Variants in RORB observed in about 807,000 individuals in gnomAD.
RORB encodes the protein RAR related orphan receptor B.
Under a neutral mutation model 59.1 loss-of-function variants are expected in RORB, and 6 were observed. The ratio of observed to expected loss-of-function variants is 0.10; its 90% CI spans 0.06 to 0.20. RORB has a LOEUF of 0.20. Ranked by LOEUF, RORB falls within the 10% of genes least tolerant of loss-of-function variation. The pLI, the probability that RORB is intolerant of heterozygous loss-of-function variation, is 1.00. For missense variants in RORB, 320 were observed against 560.5 expected (o/e 0.57, Z 4.33); for synonymous variants, 215 against 204.5 (o/e 1.05, Z -0.44).
intron 9 of RORB, among the ~76,000 whole-genome samples, chr9:74,683,021 T>C (rs1318325224): frequency 6.6e-6 from 1 of 152,136 alleles, no homozygotes; most frequent in African/African-American, 2.4e-5. Flanking sequence ...AAACATGGAG[T>C]CTGAGCTTCA....
chr9:74,567,825 G>T (rs891332858), intron 1 of RORB, among the ~76,000 whole-genome samples: 4 of 152,156 alleles, frequency 2.6e-5, no homozygotes, highest in Non-Finnish European at 1.5e-5. Flanking sequence ...GGCATTGCAT[G>T]TATGTGTGCT....
chr9:74,577,510 A>G (rs1280408304), intron 1 of RORB, among the ~76,000 whole-genome samples: 1 of 152,114 alleles, frequency 6.6e-6, no homozygotes, highest in African/African-American at 2.4e-5. Flanking sequence ...AATAGTGTGT[A>G]TATTTCTATT....
intron 1 of RORB, among the ~76,000 whole-genome samples, chr9:74,605,485 C>T (rs1210743319): frequency 6.6e-6 from 1 of 152,120 alleles, no homozygotes; most frequent in Non-Finnish European, 1.5e-5. Flanking sequence ...ATGGTAGCCA[C>T]CAAATTGCTC....
chr9:74,571,639 G>T (rs376859313), intron 1 of RORB, among the ~76,000 whole-genome samples: 1 of 151,636 alleles, frequency 6.6e-6, no homozygotes, highest in African/African-American at 2.4e-5. Context: ...TATTTTTTTC[G>T]TAATAGTAAA....
intron 4 of RORB, among the ~76,000 whole-genome samples, chr9:74,648,238 C>T (rs973634551): frequency 6.6e-6 from 1 of 152,210 alleles, no homozygotes; most frequent in Non-Finnish European, 1.5e-5. Context: ...TCTAACCCCT[C>T]TCTCACCCCC....
chr9:74,648,250 C>A (rs1823932013), intron 4 of RORB, among the ~76,000 whole-genome samples: 1 of 152,188 alleles, frequency 6.6e-6, no homozygotes, highest in African/African-American at 2.4e-5. Context: ...CTCACCCCCA[C>A]CCCAACCACA....
chr9:74,599,194 C>T (rs111813710), intron 1 of RORB, among the ~76,000 whole-genome samples: 42 of 152,288 alleles, frequency 2.8e-4, no homozygotes, highest in African/African-American at 1.0e-3. Flanking sequence ...CCCCATTCTC[C>T]TCACACTTCA....
intron 1 of RORB, among the ~76,000 whole-genome samples, chr9:74,570,816 G>A (rs1403063027): frequency 2.0e-5 from 3 of 151,912 alleles, no homozygotes; most frequent in Admixed American, 1.3e-4. Context: ...CTATACCTCC[G>A]AGTTATATCA....
At chr9:74,563,526 C>T (rs1271390565) in intron 1 of RORB, among the ~76,000 whole-genome samples, 1 of 152,124 alleles carries the variant, frequency 6.6e-6, no homozygotes, top group South Asian at 2.1e-4. Flanking sequence ...TCATTTTCTT[C>T]CTTTATGATA....
chr9:74,554,038 C>T (rs1479835578), intron 1 of RORB, among the ~76,000 whole-genome samples: 1 of 152,152 alleles, frequency 6.6e-6, no homozygotes, highest in Admixed American at 6.6e-5. Flanking sequence ...AATTCTCAGG[C>T]CCCACCTGCT....
intron 1 of RORB, among the ~76,000 whole-genome samples, chr9:74,503,729 T>C (rs1394247336): frequency 2.0e-5 from 3 of 152,192 alleles, no homozygotes; most frequent in East Asian, 3.9e-4. Context: ...ATTTGAAGGA[T>C]GTCTCCTTTG....
chr9:74,638,827 A>G (rs1323326080), intron 3 of RORB, among the ~76,000 whole-genome samples: 1 of 152,222 alleles, frequency 6.6e-6, no homozygotes, highest in Admixed American at 6.5e-5. Flanking sequence ...TCTGAAATAA[A>G]TGGAAAATTA....
At chr9:74,651,155 C>T (rs979167546) in intron 4 of RORB, among the ~76,000 whole-genome samples, 1 of 152,150 alleles carries the variant, frequency 6.6e-6, no homozygotes, top group Non-Finnish European at 1.5e-5. Flanking sequence ...CTATCTAAGA[C>T]TCTTCAAGTG....
intron 1 of RORB, among the ~76,000 whole-genome samples, chr9:74,587,906 G>A (rs1385390713): frequency 6.6e-6 from 1 of 152,276 alleles, no homozygotes; most frequent in African/African-American, 2.4e-5. Flanking sequence ...TGCAACATAG[G>A]GAGCCATTAC....
intron 1 of RORB, among the ~76,000 whole-genome samples, chr9:74,539,539 C>T (rs1226000574): frequency 1.3e-5 from 2 of 152,084 alleles, no homozygotes; most frequent in Non-Finnish European, 2.9e-5. Flanking sequence ...ACATTCGAGA[C>T]ACTGTTTTAA....
chr9:74,680,689 G>A (rs1345048950), intron 9 of RORB, among the ~76,000 whole-genome samples: 2 of 152,062 alleles, frequency 1.3e-5, no homozygotes, highest in East Asian at 3.9e-4. Flanking sequence ...AAAAGAAAAG[G>A]AAATCAAATG....
At chr9:74,556,059 A>G (rs1464595643) in intron 1 of RORB, among the ~76,000 whole-genome samples, 1 of 152,160 alleles carries the variant, frequency 6.6e-6, no homozygotes, top group Non-Finnish European at 1.5e-5. Context: ...CAAGTTTTCT[A>G]TTGCAAATTG....
intron 8 of RORB, among the ~76,000 whole-genome samples, chr9:74,669,692 C>A (rs1824319514): frequency 6.6e-6 from 1 of 152,000 alleles, no homozygotes; most frequent in Non-Finnish European, 1.5e-5. Context: ...CAAATTCCTG[C>A]CTAATTTTTA....
At chr9:74,631,461 CT>C (rs11317993) in intron 2 of RORB, among the ~76,000 whole-genome samples, 145,746 of 152,254 alleles carry the variant, frequency 0.96, 70,096 homozygotes, top group East Asian at 1. Flanking sequence ...GTCATAGAGT[CT>C]TAAGATCTAA....
Sources: gnomAD v4.1 joint callset for allele counts (sites outside exome capture counted in the v4.1 genomes callset) on GRCh38, gnomAD v4.1.1 for gene constraint, MANE v1.5 for transcripts, NCBI Gene and HGNC (gene_info 2026-07-23, HGNC 2026-07-21) for gene names.